MAPK10: variants seen among roughly 807,000 people sequenced by gnomAD.
The protein encoded by MAPK10 is JNK3 alpha protein kinase.
A neutral mutation model predicts 59.3 loss-of-function variants in MAPK10; 25 were observed. That is an observed-to-expected ratio of 0.42 (90% CI 0.31 to 0.59). MAPK10 has a LOEUF of 0.59. Ranked by LOEUF, MAPK10 falls within the 20% of genes least tolerant of loss-of-function variation. MAPK10 has a pLI of 0.15. For synonymous variants in MAPK10, 190 were observed against 200.5 expected, an observed-to-expected ratio of 0.95 and a Z score of 0.44; for missense variants, 351 against 568.9, an observed-to-expected ratio of 0.62 and a Z score of 3.90.
intron 1 of MAPK10, among the ~76,000 whole-genome samples, chr4:86,515,783 G>A (rs888636553): frequency 2.0e-5 from 3 of 151,744 alleles, no homozygotes; most frequent in African/African-American, 4.8e-5. Flanking sequence ...CCTACTCTGC[G>A]GGTTGTCTGT....
At chr4:86,318,647 T>C (rs1469359604) in intron 2 of MAPK10, among the ~76,000 whole-genome samples, 1 of 152,164 alleles carries the variant, frequency 6.6e-6, no homozygotes, top group African/African-American at 2.4e-5. Flanking sequence ...TTGAAGGGTT[T>C]CTCTGATCTT....
At chr4:86,044,294 A>G (rs1324180937) in intron 11 of MAPK10, among the ~76,000 whole-genome samples, 1 of 152,188 alleles carries the variant, frequency 6.6e-6, no homozygotes, top group African/African-American at 2.4e-5. Context: ...ACGGCTGCAC[A>G]TTGAAATCAT....
At chr4:86,079,873 A>T (rs1348876546) in intron 9 of MAPK10, 1 of 152,050 alleles carries the variant, frequency 6.6e-6, no homozygotes, top group African/African-American at 2.4e-5. Flanking sequence ...AGCTGAAAAA[A>T]CTTTTGATAT....
chr4:86,399,789 T>C (rs998565644), intron 1 of MAPK10: 1 of 152,222 alleles, frequency 6.6e-6, no homozygotes, highest in African/African-American at 2.4e-5. Context: ...TGGCAAATGC[T>C]GTCCTAGTGG....
At chr4:86,356,025 TTTTG>T (rs1386442422) in intron 1 of MAPK10, among the ~76,000 whole-genome samples, 4 of 138,220 alleles carry the variant, frequency 2.9e-5, no homozygotes, top group Non-Finnish European at 4.7e-5. Context: ...TCACTGCTGT[TTTTG>T]TTTTTGTTTT....
At chr4:86,313,046 T>C (rs2095702187) in intron 2 of MAPK10, among the ~76,000 whole-genome samples, 2 of 152,134 alleles carry the variant, frequency 1.3e-5, no homozygotes, top group South Asian at 2.1e-4. Context: ...TGTAGGCATA[T>C]ACATACATAT....
chr4:86,443,338 A>T (rs944902229), intron 1 of MAPK10, among the ~76,000 whole-genome samples: 6 of 152,184 alleles, frequency 3.9e-5, no homozygotes, highest in African/African-American at 1.4e-4. Flanking sequence ...GCCTGCCCTC[A>T]GGAGAAACTA....
chr4:86,082,619 T>G (rs905905818), intron 9 of MAPK10, among the ~76,000 whole-genome samples: 1 of 152,272 alleles, frequency 6.6e-6, no homozygotes, highest in African/African-American at 2.4e-5. Context: ...GAGAAATGGC[T>G]GAAGGCAGCC....
chr4:86,351,396 A>AC (rs1731334590), intron 2 of MAPK10, among the ~76,000 whole-genome samples: 4 of 132,456 alleles, frequency 3.0e-5, no homozygotes, highest in African/African-American at 1.2e-4. Context: ...TGTATACACA[A>AC]ACACACACAC....
intron 1 of MAPK10, among the ~76,000 whole-genome samples, chr4:86,587,718 T>C (rs1368871568): frequency 6.6e-6 from 1 of 152,200 alleles, no homozygotes; most frequent in African/African-American, 2.4e-5. Context: ...TGGGAAAACA[T>C]TGCTATTTAC....
At chr4:86,457,523 C>G (rs1315703071), upstream of MAPK10, among the ~76,000 whole-genome samples, 2 of 152,244 alleles carry the variant, frequency 1.3e-5, no homozygotes, top group East Asian at 1.9e-4. Context: ...AGCAACCAAG[C>G]TGAGAATCAA....
At chr4:86,018,637 G>A (rs1744613142) in intron 13 of MAPK10, among the ~76,000 whole-genome samples, 1 of 152,140 alleles carries the variant, frequency 6.6e-6, no homozygotes, top group Non-Finnish European at 1.5e-5. Flanking sequence ...TTAAACCAGA[G>A]CACCCTGGAA....
chr4:86,552,154 T>C (rs1247571391), intron 1 of MAPK10, among the ~76,000 whole-genome samples: 1 of 151,848 alleles, frequency 6.6e-6, no homozygotes, highest in African/African-American at 2.4e-5. Context: ...GCATGGTAAC[T>C]CATGCCTGTA....
intron 2 of MAPK10, among the ~76,000 whole-genome samples, chr4:86,287,701 G>A (rs554844602): frequency 2.0e-5 from 3 of 152,152 alleles, no homozygotes; most frequent in Admixed American, 2.0e-4. Flanking sequence ...TATTTAAATC[G>A]CTACTAGAAA....
At chr4:86,566,873 G>A (rs1018768093) in intron 1 of MAPK10, among the ~76,000 whole-genome samples, 7 of 151,930 alleles carry the variant, frequency 4.6e-5, no homozygotes, top group East Asian at 1.9e-4. Flanking sequence ...GTTCAAGATC[G>A]GTCTAGGCAA....
rs372676260 is a variant in MAPK10 at position 86,264,933 on chromosome 4, C to T, written c.-6-70526G>A. Among the ~76,000 whole-genome samples the T allele has an allele frequency of 2.2e-4, 32 of 142,554 alleles. No individual in the cohort carries two copies. The East Asian group carries it at 6.6e-3, about 29-fold the overall frequency. 93.5% of individuals were successfully genotyped at this position (142,554 alleles called of 152,430 possible). On this transcript the variant is annotated intron_variant, in intron 2 of 13. Coordinates refer to ENST00000641462, the MANE Select transcript of MAPK10 (RefSeq NM_138982.4). ...TTTGTGGTGGGGTCTCACTCTGTCA[C>T]CCAGGTGGAGTGCAGTGGAGCCATC...
At chr4:86,065,106 A>C (rs905614241) in intron 10 of MAPK10, 1 of 149,760 alleles carries the variant, frequency 6.7e-6, no homozygotes, top group African/African-American at 2.5e-5. Flanking sequence ...TAAAGATAAG[A>C]TCTCCCTACA....
intron 1 of MAPK10, among the ~76,000 whole-genome samples, chr4:86,462,318 C>A (rs1751819212): frequency 6.6e-6 from 1 of 152,164 alleles, no homozygotes; most frequent in Non-Finnish European, 1.5e-5. Context: ...ATATCTACTT[C>A]CGTTCCCTGG....
At chr4:86,572,260 G>A (rs896677595) in intron 1 of MAPK10, among the ~76,000 whole-genome samples, 3 of 151,974 alleles carry the variant, frequency 2.0e-5, no homozygotes, top group Non-Finnish European at 4.4e-5. Flanking sequence ...TGTAATACTA[G>A]GAAACAATGG....
Sources: allele counts gnomAD v4.1 joint callset (sites outside exome capture counted in the v4.1 genomes callset), GRCh38; gene constraint gnomAD v4.1.1; transcripts MANE v1.5; gene names NCBI Gene and HGNC (gene_info 2026-07-23, HGNC 2026-07-21).